GABRA1: variants seen among roughly 807,000 people sequenced by gnomAD.
The protein encoded by GABRA1 is gamma-aminobutyric acid type A receptor subunit alpha1.
A neutral mutation model predicts 48.9 loss-of-function variants in GABRA1; 9 were observed. That is an observed-to-expected ratio of 0.18 (90% CI 0.11 to 0.32). The LOEUF (loss-of-function observed/expected upper bound fraction) is 0.32. Ranked by LOEUF, GABRA1 falls within the 10% of genes least tolerant of loss-of-function variation. The pLI is 1.00. For synonymous variants in GABRA1, 210 were observed against 198.7 expected, an observed-to-expected ratio of 1.06 and a Z score of -0.48; for missense variants, 285 against 553.8, an observed-to-expected ratio of 0.51 and a Z score of 4.87.
Position 161,873,324 on chromosome 5 carries a change from C to T in GABRA1, c.463C>T (p.Leu155=). 10 of 1,613,052 alleles carry T rather than the reference C, an allele frequency of 6.2e-6. No homozygotes were observed. The highest frequency in any genetic ancestry group is 8.5e-6 in the Non-Finnish European group (10 of 1,179,218). Residue 155 remains leucine (L), a synonymous_variant, in exon 5 of 10, where the codon CTG becomes TTG. Coordinates refer to ENST00000393943, the MANE Select transcript of GABRA1 (RefSeq NM_001127644.2). ...GCGGATCACAGAGGATGGCACCTTGCTGTACACCATGAGGTAAGGATGGCT... is the reference window on the plus strand; with the variant it reads ...GCGGATCACAGAGGATGGCACCTTGTTGTACACCATGAGGTAAGGATGGCT... ...LLRITEDGTL[L]YTMRLTVRAE...
chr5:161,870,456 G>A (rs1401614484), intron 4 of GABRA1, among the ~76,000 whole-genome samples: 2 of 151,780 alleles, frequency 1.3e-5, no homozygotes, highest in Admixed American at 6.6e-5. Context: ...CAGCTACTCG[G>A]GAGGCTGAGA....
chr5:161,894,000 G>A (rs6867604), intron 8 of GABRA1, among the ~76,000 whole-genome samples: 95,223 of 151,932 alleles, frequency 0.63, 30,145 homozygotes, highest in Admixed American at 0.7. Context: ...AAAAATACCC[G>A]TTACCACATT....
At position 161,898,003 on chromosome 5, in the gene GABRA1, C is replaced by G. The variant is rs1755451232; in HGVS notation, c.*581C>G. ...TCTTTCTCTTTGAAAAAAAAAAAGG[C>G]CTAATGCATTATTTTGTCATAAAAT... On this transcript the variant is annotated 3_prime_UTR_variant, in exon 10 of 10. Transcript: ENST00000393943. The G allele has an allele frequency of 6.6e-6, 1 of 150,600 alleles. No homozygotes were observed. The allele number at this position is 150,600 out of a possible 1,614,324, so 9.3% of individuals were successfully genotyped here.
At chr5:161,880,493 T>G (rs767343756) in intron 6 of GABRA1, among the ~76,000 whole-genome samples, 5 of 152,208 alleles carry the variant, frequency 3.3e-5, no homozygotes, top group Non-Finnish European at 5.9e-5. Context: ...CTTTCATTTT[T>G]AAGACCATGA....
At chr5:161,866,722 C>T (rs1219006518) in intron 4 of GABRA1, among the ~76,000 whole-genome samples, 1 of 152,072 alleles carries the variant, frequency 6.6e-6, no homozygotes, top group South Asian at 2.1e-4. Flanking sequence ...TTGCCCAAGA[C>T]CTTTTTTGTC....
chr5:161,865,872 G>A, intron 4 of GABRA1, 84 bp downstream of exon 4: 2 of 1,096,478 alleles, frequency 1.8e-6, no homozygotes, highest in Non-Finnish European at 1.4e-6. Flanking sequence ...AAGTTCTTAG[G>A]GAGCAACCTG....
intron 5 of GABRA1, among the ~76,000 whole-genome samples, chr5:161,874,698 T>C (rs541167216): frequency 2.6e-5 from 4 of 152,290 alleles, no homozygotes; most frequent in African/African-American, 9.6e-5. Flanking sequence ...GTATATTTGC[T>C]TTAGTTGGTA....
At position 161,872,914 on chromosome 5, in the gene GABRA1, A is replaced by G. The variant is rs10065822; in HGVS notation, c.256-203A>G. On this transcript the variant is annotated intron_variant, in intron 4 of 9. Transcript: ENST00000393943. ...CCAAAAAATATGTCAGGCATTTTAG[A>G]TATTTTTTTTAAAAAATCATTACAC... 0.15 allele frequency: 83,520 copies of G among 562,596 alleles called. 7,960 individuals are homozygous for G. Among genetic ancestry groups the G allele is most frequent in the African/African-American group, 0.32 (16,849 of 53,082 alleles). 34.9% of individuals were successfully genotyped at this position (562,596 alleles called of 1,614,324 possible).
At chr5:161,896,427 C>T (rs1755371087) in intron 9 of GABRA1, among the ~76,000 whole-genome samples, 1 of 152,088 alleles carries the variant, frequency 6.6e-6, no homozygotes, top group Non-Finnish European at 1.5e-5. Context: ...CCAAGAAATG[C>T]CTCATGGTAG....
In GABRA1 at chr5:161,877,564, T is replaced by C. The variant is rs1439154464; in HGVS notation, c.559+1922T>C. Among the ~76,000 whole-genome samples the C allele has an allele frequency of 3.3e-5, 5 of 152,276 alleles. No homozygotes were observed. In the East Asian group the frequency reaches 9.7e-4, roughly 29 times the overall value. ...GTAAAAATGAAAGGAGTAATGCCTA[T>C]ACGAAAAAGATAAAAGCTTTCCCTA... On this transcript the variant is annotated intron_variant, in intron 6 of 9. Transcript: ENST00000393943.
At chr5:161,890,801 G>A (rs1755055779) in intron 7 of GABRA1, 97 bp from the exon 8 acceptor site, 2 of 1,106,968 alleles carry the variant, frequency 1.8e-6, no homozygotes, top group Non-Finnish European at 2.7e-6. Context: ...GAAAGGATGT[G>A]TCTAATTCCC....
chr5:161,853,196 G>T (rs1423219275), intron 2 of GABRA1, among the ~76,000 whole-genome samples: 1 of 151,874 alleles, frequency 6.6e-6, no homozygotes, highest in African/African-American at 2.4e-5. Flanking sequence ...ATGATTCAAG[G>T]AGCATAGATA....
chr5:161,851,079 A>G (rs763196002), intron 2 of GABRA1, among the ~76,000 whole-genome samples, 195 bp downstream of exon 2: 3 of 152,212 alleles, frequency 2.0e-5, no homozygotes, highest in African/African-American at 4.8e-5. Context: ...TTAGAATACA[A>G]TTAACAAGCC....
intron 7 of GABRA1, among the ~76,000 whole-genome samples, chr5:161,884,484 T>C (rs1754752525): frequency 6.6e-6 from 1 of 152,184 alleles, no homozygotes; most frequent in South Asian, 2.1e-4. Context: ...TCTGTAGTAG[T>C]TGAGACATAG....
intron 3 of GABRA1, among the ~76,000 whole-genome samples, chr5:161,856,341 A>T (rs949070483): frequency 1.3e-5 from 2 of 151,464 alleles, no homozygotes; most frequent in African/African-American, 4.8e-5. Context: ...AATAACAAAA[A>T]TAGATATGTA....
chr5:161,857,021 T>C (rs1374254210), intron 3 of GABRA1, among the ~76,000 whole-genome samples: 1 of 151,004 alleles, frequency 6.6e-6, no homozygotes, highest in East Asian at 1.9e-4. Flanking sequence ...TAGATCCCAA[T>C]TGCAAAACAG....
chr5:161,858,112 A>G (rs1006014583), intron 3 of GABRA1, among the ~76,000 whole-genome samples: 10 of 151,570 alleles, frequency 6.6e-5, no homozygotes, highest in African/African-American at 2.4e-4. Context: ...TAATCTCATG[A>G]GCCTGGGGAG....
intron 1 of GABRA1, among the ~76,000 whole-genome samples, chr5:161,849,774 A>G (rs774128011): frequency 2.0e-4 from 30 of 152,228 alleles, no homozygotes; most frequent in Non-Finnish European, 3.8e-4. Context: ...TTAAAATGTT[A>G]CCATAGCTGC....
Position 161,867,091 on chromosome 5 carries a change from A to G in GABRA1, c.255+1303A>G, listed in dbSNP as rs1287838822. Among the ~76,000 whole-genome samples, 4 of 152,156 alleles carry G rather than the reference A, an allele frequency of 2.6e-5. No individual in the cohort carries two copies. The East Asian group carries it at 5.8e-4, about 22-fold the overall frequency. ...TGCAAGAAATATAATATGAAAGTCA[A>G]TCATACTTGTGAATGTATGCATCTT... On this transcript the variant is annotated intron_variant, in intron 4 of 9. Transcript: ENST00000393943.
Sources: allele counts gnomAD v4.1 joint callset (sites outside exome capture counted in the v4.1 genomes callset), GRCh38; gene constraint gnomAD v4.1.1; transcripts MANE v1.5; gene names NCBI Gene and HGNC (gene_info 2026-07-23, HGNC 2026-07-21).